The following MFSD11 variants were observed in gnomAD, a reference collection of about 807,000 sequenced individuals.
MFSD11 encodes major facilitator superfamily domain containing 11.
A neutral mutation model predicts 53.5 loss-of-function variants in MFSD11; 36 were observed. The ratio of observed to expected loss-of-function variants is 0.67; its 90% CI spans 0.52 to 0.89. MFSD11 has a LOEUF of 0.89. MFSD11 is among the 40% of genes least tolerant of loss of function. The pLI, the probability that MFSD11 is intolerant of heterozygous loss-of-function variation, is 0.00. For synonymous variants in MFSD11, 186 were observed against 184.9 expected, an observed-to-expected ratio of 1.01 and a Z score of -0.05; for missense variants, 530 against 543.9, an observed-to-expected ratio of 0.97 and a Z score of 0.25.
the MFSD11 span, among the ~76,000 whole-genome samples, chr17:76,795,511 T>C: frequency 2.6e-5 from 4 of 151,802 alleles, no homozygotes; most frequent in Non-Finnish European, 5.9e-5. Flanking sequence ...AATTATAAAG[T>C]ATGCAGGAAG....
At chr17:76,758,979 T>A (rs566668818) in intron 8 of MFSD11, among the ~76,000 whole-genome samples, 4 of 152,182 alleles carry the variant, frequency 2.6e-5, no homozygotes, top group Admixed American at 1.3e-4. Context: ...GCACAGTGGC[T>A]CACACCTGTA....
downstream of MFSD11, among the ~76,000 whole-genome samples, chr17:76,783,959 G>GAAA (rs112147759): frequency 7.6e-6 from 1 of 131,290 alleles, no homozygotes. Flanking sequence ...CTGCTACCCA[G>GAAA]AAAAAAAAAA....
At chr17:76,802,186 G>A in the MFSD11 span, among the ~76,000 whole-genome samples, 3,595 of 152,152 alleles carry the variant, frequency 0.024, 141 homozygotes, top group African/African-American at 0.08. Flanking sequence ...CAGGAGAATC[G>A]CTTGAAGCCA....
At chr17:76,780,577 G>T (rs1054605213), downstream of MFSD11, among the ~76,000 whole-genome samples, 2 of 151,042 alleles carry the variant, frequency 1.3e-5, no homozygotes, top group Middle Eastern at 3.2e-3. Context: ...GTGCAGTGGC[G>T]CAATCTTGGC....
chr17:76,785,050 A>G (rs1243988623), downstream of MFSD11, among the ~76,000 whole-genome samples: 2 of 152,254 alleles, frequency 1.3e-5, no homozygotes, highest in South Asian at 2.1e-4. Context: ...ATTATTCACA[A>G]TTACCTAACA....
At chr17:76,742,999 A>G (rs1417560747) in intron 5 of MFSD11, among the ~76,000 whole-genome samples, 1 of 152,228 alleles carries the variant, frequency 6.6e-6, no homozygotes, top group African/African-American at 2.4e-5. Flanking sequence ...ATTTTTCAGG[A>G]AAGTATGCTA....
chr17:76,766,395 G>A (rs188631542), intron 8 of MFSD11, among the ~76,000 whole-genome samples: 65 of 149,064 alleles, frequency 4.4e-4, no homozygotes, highest in South Asian at 3.2e-3. Context: ...CTCCAGCCTG[G>A]GTGACAAAGT....
the MFSD11 span, among the ~76,000 whole-genome samples, chr17:76,797,383 T>G: frequency 6.6e-6 from 1 of 152,066 alleles, no homozygotes; most frequent in Non-Finnish European, 1.5e-5. Context: ...TATAGGGATA[T>G]AGGGTAACTT....
At chr17:76,790,893 A>T in the MFSD11 span, among the ~76,000 whole-genome samples, 2 of 145,518 alleles carry the variant, frequency 1.4e-5, 1 homozygote, top group African/African-American at 5.2e-5. Context: ...GTGAGCCAAG[A>T]TCACACCACT....
intron 8 of MFSD11, among the ~76,000 whole-genome samples, chr17:76,761,139 A>C (rs1056701439): frequency 1.3e-5 from 2 of 152,122 alleles, no homozygotes; most frequent in Non-Finnish European, 2.9e-5. Context: ...TGGGAGACAG[A>C]GATTGCAGTG....
chr17:76,737,268 G>A (rs539068654), upstream of MFSD11: 61 of 1,407,930 alleles, frequency 4.3e-5, no homozygotes, highest in South Asian at 2.5e-4. Flanking sequence ...GGGGACACTG[G>A]GAAAGGCCTT....
chr17:76,754,155 T>C, intron 8 of MFSD11, 68 bp downstream of exon 8: 1 of 1,335,424 alleles, frequency 7.5e-7, no homozygotes, highest in African/African-American at 1.4e-5. Context: ...CTTTCCCCTA[T>C]TCCCTGGTAA....
downstream of MFSD11, among the ~76,000 whole-genome samples, chr17:76,782,138 C>A (rs934521652): frequency 6.6e-6 from 1 of 151,092 alleles, no homozygotes; most frequent in Non-Finnish European, 1.5e-5. Flanking sequence ...CCGCCCCCGG[C>A]CCCTGTGGGG....
At chr17:76,746,526 G>A (rs958825899) in intron 7 of MFSD11, among the ~76,000 whole-genome samples, 6 of 152,256 alleles carry the variant, frequency 3.9e-5, no homozygotes, top group African/African-American at 7.2e-5. Flanking sequence ...AGTTAATGCC[G>A]GGCTTTAAAC....
At chr17:76,762,600 G>A (rs2144665970) in intron 8 of MFSD11, among the ~76,000 whole-genome samples, 1 of 146,804 alleles carries the variant, frequency 6.8e-6, no homozygotes, top group Middle Eastern at 3.5e-3. Flanking sequence ...AGCTTGCAGT[G>A]AGCCGAGATC....
At position 76,776,612 on chromosome 17, in the gene MFSD11, G is replaced by A. The variant is rs2144923980; in HGVS notation, c.1185+71G>A. 1 of 1,410,438 alleles carries A rather than the reference G, an allele frequency of 7.1e-7. No homozygotes were observed. 87.4% of individuals were successfully genotyped at this position (1,410,438 alleles called of 1,614,324 possible). On this transcript the variant is annotated intron_variant, in intron 12 of 12. Coordinates refer to ENST00000685175, the MANE Select transcript of MFSD11 (RefSeq NM_001242532.5). The surrounding 1 kb of genome is among the most constrained non-coding windows in gnomAD (Gnocchi z 4.2). ...TTTGTGTATTGCCTTGTTTTCCTTG[G>A]TTACTTGTATTGTGGTTTTAATTTT...
In MFSD11 at chr17:76,771,471, C is replaced by T. The variant is rs571406849; in HGVS notation, c.874+1600C>T. Among the ~76,000 whole-genome samples the T allele has an allele frequency of 2.0e-5, 3 of 152,300 alleles. No individual in the cohort carries two copies. The East Asian group carries it at 5.8e-4, about 29-fold the overall frequency. On this transcript the variant is annotated intron_variant, in intron 10 of 12. Coordinates refer to ENST00000685175, the MANE Select transcript of MFSD11 (RefSeq NM_001242532.5). ...AAAGGTTTATTGTAATCTGTCATGT[C>T]AACAAAATAGACAAAAATACCTGCC...
chr17:76,764,300 T>C (rs1044916764), intron 8 of MFSD11, among the ~76,000 whole-genome samples: 1 of 151,378 alleles, frequency 6.6e-6, no homozygotes, highest in Non-Finnish European at 1.5e-5. Flanking sequence ...ATTTCAAGTA[T>C]ACAATAGAGT....
chr17:76,782,768 C>G (rs1598818477), downstream of MFSD11, among the ~76,000 whole-genome samples: 1 of 151,984 alleles, frequency 6.6e-6, no homozygotes, highest in African/African-American at 2.4e-5. Flanking sequence ...TTGAGCCCAC[C>G]ACGCGGGGCT....
Sources: allele counts gnomAD v4.1 joint callset (sites outside exome capture counted in the v4.1 genomes callset), GRCh38; gene constraint gnomAD v4.1.1; non-coding constraint Gnocchi (gnomAD v3.1); transcripts MANE v1.5; gene names NCBI Gene and HGNC (gene_info 2026-07-23, HGNC 2026-07-21).